EP400: variants seen among roughly 807,000 people sequenced by gnomAD.
The protein encoded by EP400 is E1A binding protein p400, also known as E1A-binding protein p400.
In EP400, 105 loss-of-function variants were observed where a neutral mutation model predicts 354.1. The ratio of observed to expected loss-of-function variants is 0.30; its 90% CI spans 0.25 to 0.35. EP400 has a LOEUF of 0.35. Ranked by LOEUF, EP400 falls within the 10% of genes least tolerant of loss-of-function variation. The pLI, the probability that EP400 is intolerant of heterozygous loss-of-function variation, is 1.00. For synonymous variants in EP400, 1,646 were observed against 1,716.9 expected (o/e 0.96, Z 1.02); for missense variants, 3,280 against 4,121.0 (o/e 0.80, Z 5.59).
chr12:131,982,569 T>C, intron 5 of EP400, 91 bp downstream of exon 5: 1 of 1,460,560 alleles, frequency 6.8e-7, no homozygotes, highest in African/African-American at 1.4e-5. Flanking sequence ...CACACTGTAA[T>C]TTGTGTATTT....
chr12:132,051,868 C>T (rs555444692), intron 41 of EP400, among the ~76,000 whole-genome samples: 2 of 152,244 alleles, frequency 1.3e-5, no homozygotes, highest in African/African-American at 2.4e-5. Flanking sequence ...TTCCTTGACA[C>T]TAATGCTACT....
chr12:132,036,694 G>C (rs1451756712), intron 30 of EP400, among the ~76,000 whole-genome samples: 1 of 152,234 alleles, frequency 6.6e-6, no homozygotes, highest in South Asian at 2.1e-4. Flanking sequence ...GAATCCAGGC[G>C]ATTTTTGTTT....
intron 12 of EP400, among the ~76,000 whole-genome samples, chr12:132,001,522 C>T (rs12369966): frequency 4.6e-5 from 7 of 152,136 alleles, no homozygotes; most frequent in Non-Finnish European, 7.4e-5. Context: ...GTTAGGCCTC[C>T]GGATAACTGT....
rs1440954312 is a variant in EP400, at chr12:132,038,192, C to A, written c.6207+96C>A. ...GGGTTCTGGGTGCTCAGTCCCCACT[C>A]TTCCCTGGCCTGAAGCCCTCTTCCC... is the stretch of plus-strand genomic sequence containing the variant. On this transcript the variant is annotated intron_variant, in intron 32 of 52. Coordinates refer to ENST00000389561, the MANE Select transcript of EP400 (RefSeq NM_015409.5). This position sits in a 1 kb window ranked among gnomAD's most constrained non-coding sequence, Gnocchi z 4.2. 3 of 1,488,356 alleles carry A rather than the reference C, an allele frequency of 2.0e-6. No homozygotes were observed. In the East Asian group the frequency reaches 6.8e-5, roughly 34 times the overall value. The allele number at this position is 1,488,356 out of a possible 1,614,324, so 92.2% of individuals were successfully genotyped here.
rs572836472 is a variant in EP400 at position 132,044,982 on chromosome 12, T to TG, written c.6784+36dup. 5.5e-5 allele frequency: 88 copies of TG among 1,611,096 alleles called. 1 individual carries two copies. Among genetic ancestry groups the TG allele is most frequent in the African/African-American group, 1.6e-4 (12 of 74,838 alleles). ...CGCATCCCGAGGGCGTCACATGACC[T>TG]GGGGGGGCCCTGGCCTGCAGAATCC... On this transcript the variant is annotated intron_variant, in intron 37 of 52. Coordinates refer to ENST00000389561, the MANE Select transcript of EP400 (RefSeq NM_015409.5).
intron 33 of EP400, 77 bp downstream of exon 33, chr12:132,043,539 A>G (rs767141893): frequency 2.9e-5 from 46 of 1,581,388 alleles, no homozygotes; most frequent in Non-Finnish European, 3.9e-5. Flanking sequence ...GTTTACTGCA[A>G]GAAAAATCAC....
At chr12:132,002,283 T>G (rs1265985489) in intron 12 of EP400, among the ~76,000 whole-genome samples, 3 of 152,238 alleles carry the variant, frequency 2.0e-5, no homozygotes, top group Non-Finnish European at 4.4e-5. Context: ...AAAATTTATC[T>G]TGTATTTTCT....
At chr12:131,992,958 T>G (rs1393484765) in intron 11 of EP400, among the ~76,000 whole-genome samples, 1 of 152,182 alleles carries the variant, frequency 6.6e-6, no homozygotes, top group Non-Finnish European at 1.5e-5. Context: ...TGATTTTTAT[T>G]TGGAAGTCAA....
intron 50 of EP400, chr12:132,068,437 T>C (rs1895967385): frequency 6.6e-6 from 1 of 152,330 alleles, no homozygotes; most frequent in Non-Finnish European, 1.5e-5. Context: ...CAGGGTTCTT[T>C]GTGCCACACC....
chr12:131,994,199 G>A lies in EP400; in HGVS notation c.2738-668G>A, dbSNP rs1593332877. Among the ~76,000 whole-genome samples, 2 of 152,290 alleles carry A rather than the reference G, an allele frequency of 1.3e-5. No individual in the cohort carries two copies. The highest frequency in any genetic ancestry group is 4.2e-4 in the South Asian group (2 of 4,814). The stretch of plus-strand genomic sequence containing the variant: ...AGTGGGGGTCTTGTAGTGAAGAAAT[G>A]AGGAAGAGTTTTGATGGTAGGAAGG... On this transcript the variant is annotated intron_variant, in intron 11 of 52. Coordinates refer to ENST00000389561, the MANE Select transcript of EP400 (RefSeq NM_015409.5). This position sits in a 1 kb window ranked among gnomAD's most constrained non-coding sequence, Gnocchi z 4.6.
chr12:132,056,563 C>T (rs577042829), intron 45 of EP400, among the ~76,000 whole-genome samples: 49 of 152,200 alleles, frequency 3.2e-4, no homozygotes, highest in Admixed American at 1.2e-3. Flanking sequence ...AGCCTTGGCC[C>T]GTAACTCACA....
intron 51 of EP400, chr12:132,076,311 T>G (rs889235798): frequency 1.4e-5 from 9 of 653,886 alleles, no homozygotes; most frequent in Non-Finnish European, 2.5e-5. Flanking sequence ...TGATGGCAAA[T>G]TGGGGAGGCA....
intron 12 of EP400, among the ~76,000 whole-genome samples, chr12:131,999,136 T>C (rs1237946876): frequency 3.3e-5 from 5 of 151,968 alleles, no homozygotes; most frequent in Admixed American, 3.3e-4. Flanking sequence ...CATAACTGCA[T>C]GGTTCAAACC....
intron 32 of EP400, among the ~76,000 whole-genome samples, chr12:132,039,334 T>C (rs1007186331): frequency 3.3e-5 from 5 of 152,084 alleles, no homozygotes; most frequent in African/African-American, 4.8e-5. Context: ...ATCTGTCTGG[T>C]GAGGGCCTCA....
intron 41 of EP400, among the ~76,000 whole-genome samples, chr12:132,051,986 C>T (rs967721714): frequency 6.6e-6 from 1 of 152,200 alleles, no homozygotes; most frequent in Non-Finnish European, 1.5e-5. Flanking sequence ...AAGGCTTGCA[C>T]GCTTGTCTTC....
intron 35 of EP400, 28 bp from the exon 36 acceptor site, chr12:132,044,643 A>G (rs560853841): frequency 6.2e-7 from 1 of 1,614,032 alleles, no homozygotes; most frequent in Admixed American, 1.7e-5. Context: ...GACTTGGTGG[A>G]AGTCAGAGCT....
intron 32 of EP400, among the ~76,000 whole-genome samples, chr12:132,042,414 C>T (rs899354667): frequency 4.6e-5 from 7 of 152,208 alleles, no homozygotes; most frequent in African/African-American, 1.7e-4. Flanking sequence ...CCAGGGCCCA[C>T]ATCTGCCGTC....
Position 132,045,903 on chromosome 12 carries a change from A to C in EP400, c.7200+3A>C, listed in dbSNP as rs1451174122. 3 of 1,614,014 alleles carry C rather than the reference A, an allele frequency of 1.9e-6. No homozygotes were observed. Among genetic ancestry groups the C allele is most frequent in the South Asian group, 1.1e-5 (1 of 91,078 alleles). On this transcript the variant is annotated splice_donor_region_variant and intron_variant, in intron 39 of 52. Coordinates refer to ENST00000389561, the MANE Select transcript of EP400 (RefSeq NM_015409.5). ...TCATTCCACGAGAGGAGGGGAAGGTAAGCACGGTCTCGTTTGTCCTTCGAG... is the reference window on the plus strand; with the variant it reads ...TCATTCCACGAGAGGAGGGGAAGGTCAGCACGGTCTCGTTTGTCCTTCGAG...
chr12:132,056,991 C>T (rs1456667784), intron 45 of EP400, among the ~76,000 whole-genome samples: 1 of 152,314 alleles, frequency 6.6e-6, no homozygotes, highest in East Asian at 1.9e-4. Flanking sequence ...CAGTGATACA[C>T]CACCATGTGC....
Sources: allele counts gnomAD v4.1 joint callset (sites outside exome capture counted in the v4.1 genomes callset), GRCh38; gene constraint gnomAD v4.1.1; non-coding constraint Gnocchi (gnomAD v3.1); transcripts MANE v1.5; gene names NCBI Gene and HGNC (gene_info 2026-07-23, HGNC 2026-07-21).